Variants in ITSN1 observed in about 807,000 individuals in gnomAD.
ITSN1 encodes the protein intersectin-1.
A neutral mutation model predicts 239.8 loss-of-function variants in ITSN1; 58 were observed. The ratio of observed to expected loss-of-function variants is 0.24; its 90% CI spans 0.20 to 0.30. The LOEUF (loss-of-function observed/expected upper bound fraction) is 0.30. Ranked by LOEUF, ITSN1 falls within the 10% of genes least tolerant of loss-of-function variation. The pLI, the probability that ITSN1 is intolerant of heterozygous loss-of-function variation, is 1.00. For synonymous variants in ITSN1, 780 were observed against 770.8 expected, an observed-to-expected ratio of 1.01 and a Z score of -0.20; for missense variants, 1,558 against 2,103.3, an observed-to-expected ratio of 0.74 and a Z score of 5.07.
chr21:33,650,644 T>C (rs1231303698), intron 1 of ITSN1, among the ~76,000 whole-genome samples: 1 of 152,256 alleles, frequency 6.6e-6, no homozygotes, highest in African/African-American at 2.4e-5. Flanking sequence ...TTTCTGAAGT[T>C]ATCTGAAACT....
intron 16 of ITSN1, among the ~76,000 whole-genome samples, chr21:33,788,678 A>C (rs1050041237): frequency 1.3e-5 from 2 of 152,192 alleles, no homozygotes; most frequent in Admixed American, 1.3e-4. Flanking sequence ...GGATGCAGAG[A>C]GCCAAGATCA....
rs549769205 is a variant in ITSN1 at position 33,838,099 on chromosome 21, C to T, written c.3661+1467C>T. ...ATTAATATGAAATGGAGCTCATGGT[C>T]CGTTTGTGTGTTAGATATGCTGTAG... On this transcript the variant is annotated intron_variant, in intron 29 of 39. Coordinates refer to ENST00000381318, the MANE Select transcript of ITSN1 (RefSeq NM_003024.3). The T allele has an allele frequency of 2.8e-5, 28 of 985,686 alleles. 1 individual carries two copies. The South Asian group carries it at 8.9e-4, about 31-fold the overall frequency. The allele number at this position is 985,686 out of a possible 1,614,324, so 61.1% of individuals were successfully genotyped here. A position where few individuals can be genotyped will look rare whatever the true frequency, so the allele number is the denominator to read the frequency against.
chr21:33,850,186 C>G (rs1276638701), intron 29 of ITSN1, among the ~76,000 whole-genome samples: 1 of 152,234 alleles, frequency 6.6e-6, no homozygotes, highest in Non-Finnish European at 1.5e-5. Flanking sequence ...CTGGCAACCC[C>G]TGTGGACTGG....
At chr21:33,868,373 C>T (rs1466080605) in intron 33 of ITSN1, among the ~76,000 whole-genome samples, 1 of 152,352 alleles carries the variant, frequency 6.6e-6, no homozygotes. Flanking sequence ...CAGGGGGCGG[C>T]GCTCGTCGGG....
intron 8 of ITSN1, among the ~76,000 whole-genome samples, chr21:33,755,880 G>C (rs2067871336): frequency 6.6e-6 from 1 of 152,192 alleles, no homozygotes. Context: ...AAAGGCCAGA[G>C]TTAACTTAGG....
At chr21:33,876,630 G>A (rs960630195) in intron 34 of ITSN1, among the ~76,000 whole-genome samples, 5 of 152,164 alleles carry the variant, frequency 3.3e-5, no homozygotes, top group African/African-American at 7.2e-5. Flanking sequence ...GCCAGGTGCC[G>A]TGACTCACGC....
intron 34 of ITSN1, among the ~76,000 whole-genome samples, chr21:33,876,488 C>T (rs1983938781): frequency 6.6e-6 from 1 of 152,196 alleles, no homozygotes; most frequent in Non-Finnish European, 1.5e-5. Context: ...CTTCAGCATC[C>T]CAAGTAGCTG....
At position 33,883,510 on chromosome 21, in the gene ITSN1, C is replaced by T. The variant is rs377563354; in HGVS notation, c.4555-40C>T. 6.8e-6 allele frequency: 11 copies of T among 1,608,046 alleles called. No homozygotes were observed. The South Asian group carries it at 1.1e-4, about 16-fold the overall frequency. Reference sequence around the variant, plus strand: ...TCACGGTTTACCGGAGCACACAGACCCCCAGCCTCGCTTTGTAATGCCTGT... The same window carrying T: ...TCACGGTTTACCGGAGCACACAGACTCCCAGCCTCGCTTTGTAATGCCTGT... On this transcript the variant is annotated intron_variant, in intron 35 of 39. Coordinates refer to ENST00000381318, the MANE Select transcript of ITSN1 (RefSeq NM_003024.3).
intron 20 of ITSN1, among the ~76,000 whole-genome samples, chr21:33,804,215 A>G (rs2072232690): frequency 6.6e-6 from 1 of 152,210 alleles, no homozygotes; most frequent in Non-Finnish European, 1.5e-5. Context: ...TAGAAGTCTA[A>G]CATTGTGACA....
intron 1 of ITSN1, among the ~76,000 whole-genome samples, chr21:33,657,795 A>G (rs978822564): frequency 6.6e-6 from 1 of 152,120 alleles, no homozygotes; most frequent in Non-Finnish European, 1.5e-5. Flanking sequence ...AGACCATCCA[A>G]GCAACAAAGT....
chr21:33,779,131 C>A (rs2147865378), intron 14 of ITSN1, among the ~76,000 whole-genome samples: 1 of 147,230 alleles, frequency 6.8e-6, no homozygotes, highest in East Asian at 2.0e-4. Context: ...TTTTAGTAAG[C>A]CCTTGGCTTT....
intron 29 of ITSN1, among the ~76,000 whole-genome samples, chr21:33,850,188 G>T (rs2075113817): frequency 6.6e-6 from 1 of 152,240 alleles, no homozygotes; most frequent in South Asian, 2.1e-4. Context: ...GGCAACCCCT[G>T]TGGACTGGAT....
intron 20 of ITSN1, among the ~76,000 whole-genome samples, chr21:33,805,350 TGACA>T (rs957420014): frequency 3.3e-5 from 5 of 152,246 alleles, no homozygotes; most frequent in Non-Finnish European, 7.3e-5. Flanking sequence ...TTTCTTCTCC[TGACA>T]GACATTTTTT....
intron 33 of ITSN1, among the ~76,000 whole-genome samples, chr21:33,872,366 A>G (rs1982893943): frequency 6.6e-6 from 1 of 152,262 alleles, no homozygotes; most frequent in Non-Finnish European, 1.5e-5. Flanking sequence ...AACGTGCTCA[A>G]TGAATATTGG....
At chr21:33,795,171 C>G (rs889083321) in intron 17 of ITSN1, among the ~76,000 whole-genome samples, 2 of 152,156 alleles carry the variant, frequency 1.3e-5, no homozygotes, top group African/African-American at 4.8e-5. Flanking sequence ...TAGATTAAGG[C>G]CAGGCATGGT....
In ITSN1 at chr21:33,810,020, C is replaced by T. The variant is rs2072785455; in HGVS notation, c.2320-955C>T. 2.0e-5 allele frequency among the ~76,000 whole-genome samples: 3 copies of T among 151,988 alleles called. No homozygotes were observed. The South Asian group carries it at 6.2e-4, about 31-fold the overall frequency. ...GTTGGTCAGGCTGGTCTCAAACTTCCGACCTCTGGTAATCCCCCGCCTCAG... is the reference window on the plus strand; with the variant it reads ...GTTGGTCAGGCTGGTCTCAAACTTCTGACCTCTGGTAATCCCCCGCCTCAG... On this transcript the variant is annotated intron_variant, in intron 20 of 39. Transcript: ENST00000381318.
chr21:33,855,470 C>T (rs963573867), intron 29 of ITSN1, among the ~76,000 whole-genome samples: 2 of 152,250 alleles, frequency 1.3e-5, no homozygotes, highest in Admixed American at 1.3e-4. Context: ...CACCTACATT[C>T]GGGACACCTC....
chr21:33,799,994 C>G, intron 19 of ITSN1, 65 bp downstream of exon 19: 1 of 1,518,102 alleles, frequency 6.6e-7, no homozygotes, highest in Non-Finnish European at 8.9e-7. Context: ...CTTTTTTTCA[C>G]TTTATTCAAC....
chr21:33,683,451 A>C (rs1171081145), intron 1 of ITSN1, among the ~76,000 whole-genome samples: 1 of 152,154 alleles, frequency 6.6e-6, no homozygotes, highest in African/African-American at 2.4e-5. Flanking sequence ...TAAGCAAGCC[A>C]TTGTACAAGT....
Sources: allele counts gnomAD v4.1 joint callset (sites outside exome capture counted in the v4.1 genomes callset), GRCh38; gene constraint gnomAD v4.1.1; transcripts MANE v1.5; gene names NCBI Gene and HGNC (gene_info 2026-07-23, HGNC 2026-07-21).